The following TMEM132B variants were observed in gnomAD, a reference collection of about 807,000 sequenced individuals.
TMEM132B encodes transmembrane protein 132B.
A neutral mutation model predicts 90.8 loss-of-function variants in TMEM132B; 18 were observed. The observed-to-expected ratio is 0.20, with a 90% CI of 0.14 to 0.29. The LOEUF is 0.29. Among genes scored for constraint, TMEM132B ranks in the 10% least tolerant of loss-of-function variants. TMEM132B has a pLI of 1.00. For synonymous variants in TMEM132B, 504 were observed against 523.3 expected, an observed-to-expected ratio of 0.96 and a Z score of 0.50; for missense variants, 1,096 against 1,326.8, an observed-to-expected ratio of 0.83 and a Z score of 2.70.
At chr12:125,411,119 TG>T (rs1879813259) in intron 2 of TMEM132B, among the ~76,000 whole-genome samples, 3 of 25,386 alleles carry the variant, frequency 1.2e-4, no homozygotes, top group African/African-American at 6.5e-4. Flanking sequence ...TGGAGTGGAG[TG>T]GAGTGGAGTG....
chr12:125,243,152 AT>A (rs11345249), intron 1 of TMEM132B, among the ~76,000 whole-genome samples: 40,046 of 140,824 alleles, frequency 0.28, 6,272 homozygotes, highest in East Asian at 0.45. Context: ...TATATATATA[AT>A]TTTTTTTTTT....
At chr12:125,626,904 T>C (rs1157306382) in intron 5 of TMEM132B, among the ~76,000 whole-genome samples, 1 of 152,140 alleles carries the variant, frequency 6.6e-6, no homozygotes, top group Non-Finnish European at 1.5e-5. Context: ...CTGTTTTATC[T>C]CTCTTTTTGG....
At chr12:125,453,432 C>T (rs1881210105) in intron 3 of TMEM132B, among the ~76,000 whole-genome samples, 1 of 152,134 alleles carries the variant, frequency 6.6e-6, no homozygotes, top group Non-Finnish European at 1.5e-5. Flanking sequence ...CTTTTGTCGA[C>T]CTCAAAGCAA....
chr12:125,250,384 A>G (rs1874291878), intron 1 of TMEM132B, among the ~76,000 whole-genome samples: 1 of 152,198 alleles, frequency 6.6e-6, no homozygotes, highest in African/African-American at 2.4e-5. Flanking sequence ...TCTTGCACAT[A>G]TCAGGCCTTC....
At chr12:125,505,301 A>T (rs972674677) in intron 3 of TMEM132B, among the ~76,000 whole-genome samples, 1 of 151,972 alleles carries the variant, frequency 6.6e-6, no homozygotes. Context: ...ATTAAGGAAA[A>T]TATGCTCCTA....
At chr12:125,326,746 A>G (rs562372629) in intron 1 of TMEM132B, 3 of 1,482,360 alleles carry the variant, frequency 2.0e-6, no homozygotes, top group Non-Finnish European at 2.7e-6. Flanking sequence ...AGGTTTTCCT[A>G]TGTCCTATTC....
At chr12:125,207,029 G>A (rs1241929968) in intron 1 of TMEM132B, among the ~76,000 whole-genome samples, 4 of 152,196 alleles carry the variant, frequency 2.6e-5, no homozygotes, top group African/African-American at 9.6e-5. Context: ...TGCATTCGGT[G>A]GAAGGAACGT....
chr12:125,325,840 T>G (rs1876549203), intron 1 of TMEM132B, among the ~76,000 whole-genome samples: 1 of 152,164 alleles, frequency 6.6e-6, no homozygotes, highest in African/African-American at 2.4e-5. Flanking sequence ...TAGGATCACA[T>G]GGGATGCTGT....
In TMEM132B at chr12:125,220,698, G is replaced by C. The variant is rs993756273; in HGVS notation, c.67+33832G>C. On this transcript the variant is annotated intron_variant, in intron 1 of 8. Transcript: ENST00000682704. ...ATCAGCAGGTCCTGGGGCTGCGGCA[G>C]CCTCTTAGGTGATCTTCCTGCCTCT... 2.6e-5 allele frequency among the ~76,000 whole-genome samples: 4 copies of C among 152,196 alleles called. No homozygotes were observed. The East Asian group carries it at 5.8e-4, about 22-fold the overall frequency.
intron 1 of TMEM132B, among the ~76,000 whole-genome samples, chr12:125,272,356 G>A (rs1326503247): frequency 6.6e-6 from 1 of 152,224 alleles, no homozygotes; most frequent in Non-Finnish European, 1.5e-5. Context: ...AGTAGTTTCT[G>A]CAGCAGAATA....
At chr12:125,457,370 C>T (rs1010371746) in intron 3 of TMEM132B, among the ~76,000 whole-genome samples, 18 of 152,152 alleles carry the variant, frequency 1.2e-4, no homozygotes, top group African/African-American at 3.6e-4. Flanking sequence ...GAGGGTGAAT[C>T]GGTCTCCTGT....
At chr12:125,403,594 T>C (rs192641770) in intron 2 of TMEM132B, among the ~76,000 whole-genome samples, 1 of 152,360 alleles carries the variant, frequency 6.6e-6, no homozygotes, top group African/African-American at 2.4e-5. Context: ...TGGGCTTAAA[T>C]TGTTCTAACA....
chr12:125,351,388 G>A (rs945810931), intron 2 of TMEM132B, among the ~76,000 whole-genome samples: 6 of 152,292 alleles, frequency 3.9e-5, no homozygotes, highest in Non-Finnish European at 7.3e-5. Flanking sequence ...ACAGAAGAGA[G>A]TTATGTGTGT....
intron 3 of TMEM132B, among the ~76,000 whole-genome samples, chr12:125,515,200 ACACT>A (rs200942333): frequency 0.053 from 7,664 of 145,426 alleles, 619 homozygotes; most frequent in African/African-American, 0.19. Flanking sequence ...TCTCTCATGC[ACACT>A]CAAACACACA....
Position 125,540,001 on chromosome 12 carries a change from A to G in TMEM132B, c.1293+20376A>G, listed in dbSNP as rs947552670. 5.3e-5 allele frequency among the ~76,000 whole-genome samples: 8 copies of G among 152,232 alleles called. No homozygotes were observed. The East Asian group carries it at 1.2e-3, about 22-fold the overall frequency. On this transcript the variant is annotated intron_variant, in intron 4 of 8. Transcript: ENST00000682704. The stretch of plus-strand genomic sequence containing the variant: ...GCTATAAATTTTCCCCTAAGTTCTC[A>G]TAAGTTGTATTTTCATTTTTCATTC...
chr12:125,203,940 C>T (rs560783372), intron 1 of TMEM132B, among the ~76,000 whole-genome samples: 6 of 152,280 alleles, frequency 3.9e-5, no homozygotes, highest in Middle Eastern at 3.4e-3. Flanking sequence ...CTGTGTATAA[C>T]AGGGGATTGG....
intron 5 of TMEM132B, among the ~76,000 whole-genome samples, chr12:125,621,749 A>T (rs1886118249): frequency 6.6e-6 from 1 of 152,148 alleles, no homozygotes; most frequent in Non-Finnish European, 1.5e-5. Context: ...AAAGTTTTTA[A>T]TAAGGAATGG....
chr12:125,569,056 TC>T (rs1429705119), intron 4 of TMEM132B, among the ~76,000 whole-genome samples: 3 of 152,174 alleles, frequency 2.0e-5, no homozygotes, highest in African/African-American at 7.2e-5. Flanking sequence ...CTCAGTTTCC[TC>T]TTCTGTAAAG....
At chr12:125,552,777 C>T (rs1006419395) in intron 4 of TMEM132B, among the ~76,000 whole-genome samples, 2 of 152,114 alleles carry the variant, frequency 1.3e-5, no homozygotes, top group African/African-American at 4.8e-5. Flanking sequence ...ATTTGAAATC[C>T]ATTTTTGTGG....
Sources: gnomAD v4.1 joint callset for allele counts (sites outside exome capture counted in the v4.1 genomes callset) on GRCh38, gnomAD v4.1.1 for gene constraint, MANE v1.5 for transcripts, NCBI Gene and HGNC (gene_info 2026-07-23, HGNC 2026-07-21) for gene names.